Variants in LMO1 observed in about 807,000 individuals in gnomAD.
LMO1 encodes rhombotin-1.
LMO1 carries 10 observed loss-of-function variants against 18.0 expected under a neutral mutation model. That is an observed-to-expected ratio of 0.55 (90% confidence interval 0.34 to 0.94). The LOEUF (loss-of-function observed/expected upper bound fraction) is 0.94, where lower values mean the gene tolerates loss of function less well. Ranked by LOEUF, LMO1 falls within the 40% of genes least tolerant of loss-of-function variation. The pLI is 0.02. For missense variants in LMO1, 183 were observed against 205.7 expected, an observed-to-expected ratio of 0.89 and a Z score of 0.68; for synonymous variants, 77 against 77.9, an observed-to-expected ratio of 0.99 and a Z score of 0.06.
chr11:8,248,261 G>T (rs1292542115), intron 1 of LMO1, among the ~76,000 whole-genome samples: 1 of 152,244 alleles, frequency 6.6e-6, no homozygotes, highest in African/African-American at 2.4e-5. Flanking sequence ...TATCTGAGCT[G>T]GTGCTCTTGG....
At chr11:8,262,216 G>A (rs1219320839) in intron 1 of LMO1, among the ~76,000 whole-genome samples, 2 of 152,240 alleles carry the variant, frequency 1.3e-5, no homozygotes, top group Non-Finnish European at 2.9e-5. Flanking sequence ...GTCACTTTAA[G>A]AGGATTCCCG....
At chr11:8,257,193 C>T (rs1194698156) in intron 1 of LMO1, among the ~76,000 whole-genome samples, 2 of 152,182 alleles carry the variant, frequency 1.3e-5, no homozygotes, top group Non-Finnish European at 2.9e-5. Context: ...AAGTTGACTC[C>T]ACTGGTGTAG....
At chr11:8,268,647 G>T, upstream of LMO1, 1 of 331,286 alleles carries the variant, frequency 3.0e-6, no homozygotes, top group Non-Finnish European at 5.4e-6. Flanking sequence ...GGAGGGACTG[G>T]GGGGAAGGCG....
At chr11:8,228,359 C>T (rs1226966725) in intron 2 of LMO1, among the ~76,000 whole-genome samples, 1 of 152,238 alleles carries the variant, frequency 6.6e-6, no homozygotes, top group East Asian at 1.9e-4. Flanking sequence ...GGGTGGGGGG[C>T]CCCTTTAATC....
intron 1 of LMO1, among the ~76,000 whole-genome samples, chr11:8,258,387 T>G (rs1847132924): frequency 6.6e-6 from 1 of 152,048 alleles, no homozygotes; most frequent in Non-Finnish European, 1.5e-5. Flanking sequence ...CCCCCAGCCT[T>G]CCCTAGCTGC....
intron 1 of LMO1, among the ~76,000 whole-genome samples, chr11:8,252,910 G>A (rs11606296): frequency 0.11 from 16,563 of 152,296 alleles, 1,424 homozygotes; most frequent in African/African-American, 0.24. Context: ...AATGTGTGTT[G>A]GAATGTGTTA....
chr11:8,230,936 C>T (rs1427327556), intron 1 of LMO1, among the ~76,000 whole-genome samples: 1 of 152,202 alleles, frequency 6.6e-6, no homozygotes, highest in African/African-American at 2.4e-5. Flanking sequence ...CTCTAGAACC[C>T]CCAGATCTTT....
At chr11:8,267,672 C>A (rs1433080959), upstream of LMO1, among the ~76,000 whole-genome samples, 1 of 152,172 alleles carries the variant, frequency 6.6e-6, no homozygotes, top group Admixed American at 6.5e-5. Flanking sequence ...ACTACTAATA[C>A]CAAATTACCA....
chr11:8,244,418 C>T lies in LMO1; in HGVS notation c.26-13914G>A, dbSNP rs188578657. On this transcript the variant is annotated intron_variant, in intron 1 of 3. Transcript: ENST00000335790. ...ATTCACTTCCAGATCAATTTGTTCA[C>T]GATAGAGCCCTGTGAGCGGAACCCG... 5.7e-3 allele frequency among the ~76,000 whole-genome samples: 874 copies of T among 152,348 alleles called. 3 individuals carry two copies. The highest frequency in any genetic ancestry group is 8.8e-3 in the Non-Finnish European group (597 of 68,028).
In LMO1 at chr11:8,254,820, C is replaced by T. The variant is rs147307898; in HGVS notation, c.25+8518G>A. Among the ~76,000 whole-genome samples, 10 of 152,348 alleles carry T rather than the reference C, an allele frequency of 6.6e-5. No homozygotes were observed. The East Asian group carries it at 1.9e-3, about 29-fold the overall frequency. ...AGACAGAGCAGAGAGAGTGAGCGCA[C>T]TGACTCTGCAGTCAGCCTGCTTGGG... is the stretch of plus-strand genomic sequence containing the variant. On this transcript the variant is annotated intron_variant, in intron 1 of 3. Transcript: ENST00000335790.
rs779734404 is a variant in LMO1, at chr11:8,230,397, G to A, written c.133C>T (p.His45Tyr). The A allele has an allele frequency of 6.2e-7, 1 of 1,614,060 alleles. No individual in the cohort carries two copies. The highest frequency in any genetic ancestry group is 1.7e-5 in the Admixed American group (1 of 60,028). The change falls in exon 2 of 4, where the codon CAC (histidine) becomes TAC (tyrosine). Residue 45 changes from histidine (H) to tyrosine (Y), a missense_variant. By Grantham distance (83) the His-to-Tyr change is moderately conservative. Coordinates refer to ENST00000335790, the MANE Select transcript of LMO1 (RefSeq NM_002315.3). ...CAGGCACACTTGAGGCAGTCTTCGT[G>A]CCAGTACTTGTCCAATGCCTTCAGC... ...YLLKALDKYW[H>Y]EDCLKCACCD...
At chr11:8,256,804 C>T (rs1847106295) in intron 1 of LMO1, among the ~76,000 whole-genome samples, 1 of 152,190 alleles carries the variant, frequency 6.6e-6, no homozygotes, top group African/African-American at 2.4e-5. Flanking sequence ...CTTCATGGAA[C>T]CCAAAACCAG....
intron 3 of LMO1, among the ~76,000 whole-genome samples, chr11:8,226,580 A>G (rs570281925): frequency 6.6e-6 from 1 of 152,342 alleles, no homozygotes; most frequent in African/African-American, 2.4e-5. Context: ...CGTTGCACAT[A>G]CACATACACC....
At chr11:8,249,315 G>A (rs988684706) in intron 1 of LMO1, among the ~76,000 whole-genome samples, 2 of 152,176 alleles carry the variant, frequency 1.3e-5, no homozygotes, top group Admixed American at 1.3e-4. Flanking sequence ...AGAGGGATGA[G>A]GAGAGGTCCA....
At chr11:8,268,331 G>T, upstream of LMO1, 1 of 1,115,856 alleles carries the variant, frequency 9.0e-7, no homozygotes, top group Non-Finnish European at 1.2e-6. Flanking sequence ...GGGCTCTGCC[G>T]CCGCTAGCGG....
rs964027667 is a variant in LMO1 at position 8,224,451 on chromosome 11, G to A, written c.*165C>T. The A allele has an allele frequency of 3.5e-5, 21 of 600,454 alleles. No homozygotes were observed. Among genetic ancestry groups the A allele is most frequent in the Admixed American group, 5.7e-5 (2 of 35,330 alleles). The allele number at this position is 600,454 out of a possible 1,614,324, so 37.2% of individuals were successfully genotyped here. On this transcript the variant is annotated 3_prime_UTR_variant, in exon 4 of 4. Coordinates refer to ENST00000335790, the MANE Select transcript of LMO1 (RefSeq NM_002315.3). The stretch of plus-strand genomic sequence containing the variant: ...CAGGAGGGGTCACACACAGACGGGC[G>A]GTGGTGGAGGAGGAAGGGCCATCCC...
intron 1 of LMO1, among the ~76,000 whole-genome samples, chr11:8,257,467 G>A (rs1847115951): frequency 6.6e-6 from 1 of 152,210 alleles, no homozygotes. Flanking sequence ...GGCTGGCAAG[G>A]GGCATAACTG....
At chr11:8,243,117 C>A (rs1007167707) in intron 1 of LMO1, among the ~76,000 whole-genome samples, 3 of 152,086 alleles carry the variant, frequency 2.0e-5, no homozygotes, top group Admixed American at 6.5e-5. Flanking sequence ...GGGATGGAAA[C>A]CCCTTTGGCT....
At chr11:8,250,079 G>A (rs141728541) in intron 1 of LMO1, among the ~76,000 whole-genome samples, 10 of 151,586 alleles carry the variant, frequency 6.6e-5, no homozygotes, top group South Asian at 2.1e-4. Context: ...TATTTTCATC[G>A]GGATCAATTA....
Sources: gnomAD v4.1 joint callset for allele counts (sites outside exome capture counted in the v4.1 genomes callset) on GRCh38, gnomAD v4.1.1 for gene constraint, MANE v1.5 for transcripts, NCBI Gene and HGNC (gene_info 2026-07-23, HGNC 2026-07-21) for gene names.